Variants in REEP3 observed in about 807,000 individuals in gnomAD.
The protein encoded by REEP3 is receptor expression-enhancing protein 3.
REEP3 carries 20 observed loss-of-function variants against 41.3 expected under a neutral mutation model. The observed-to-expected ratio is 0.48, with a 90% CI of 0.34 to 0.70. The LOEUF is 0.70. Ranked by LOEUF, REEP3 falls within the 30% of genes least tolerant of loss-of-function variation. REEP3 has a pLI of 0.01. For missense variants in REEP3, 271 were observed against 308.8 expected, an observed-to-expected ratio of 0.88 and a Z score of 0.92; for synonymous variants, 104 against 101.8, an observed-to-expected ratio of 1.02 and a Z score of -0.13.
At chr10:63,550,637 G>GTAT (rs1446626533) in intron 1 of REEP3, among the ~76,000 whole-genome samples, 1 of 152,158 alleles carries the variant, frequency 6.6e-6, no homozygotes, top group Non-Finnish European at 1.5e-5. Flanking sequence ...TCACAGGGTA[G>GTAT]TATTGTTAAG....
At chr10:63,545,856 A>C (rs982423492) in intron 1 of REEP3, among the ~76,000 whole-genome samples, 2 of 152,050 alleles carry the variant, frequency 1.3e-5, no homozygotes, top group Non-Finnish European at 2.9e-5. Flanking sequence ...TTTCTGTTGA[A>C]GGTAAAACAT....
chr10:63,616,713 G>A (rs72838798), intron 6 of REEP3, among the ~76,000 whole-genome samples: 27,544 of 151,964 alleles, frequency 0.18, 3,150 homozygotes, highest in Non-Finnish European at 0.26. Context: ...GTTTATCACA[G>A]TTACTTCCTT....
chr10:63,609,302 AT>A (rs1321959583), intron 5 of REEP3, among the ~76,000 whole-genome samples: 1 of 151,902 alleles, frequency 6.6e-6, no homozygotes, highest in Non-Finnish European at 1.5e-5. Context: ...AATACAAAAA[AT>A]TAGCCAGGCG....
intron 1 of REEP3, among the ~76,000 whole-genome samples, chr10:63,550,767 T>A (rs1440035864): frequency 6.6e-6 from 1 of 152,164 alleles, no homozygotes; most frequent in Non-Finnish European, 1.5e-5. Context: ...ATGTCAAGGC[T>A]AAGGACCTCA....
intron 2 of REEP3, among the ~76,000 whole-genome samples, chr10:63,581,334 A>G (rs1228756605): frequency 2.0e-5 from 3 of 152,362 alleles, no homozygotes; most frequent in Admixed American, 1.3e-4. Flanking sequence ...CCAAAACGTC[A>G]TAACTTTAAA....
At chr10:63,568,514 G>A (rs975456970) in intron 2 of REEP3, among the ~76,000 whole-genome samples, 100 of 152,032 alleles carry the variant, frequency 6.6e-4, no homozygotes, top group African/African-American at 2.1e-3. Context: ...TGATCCACCC[G>A]CCTCGGCCTC....
rs1436201631 is a variant in REEP3, at chr10:63,619,820, G to A, written c.711+20G>A. ...AAAGAGGTTGGTTAAGTGTAGAGCT[G>A]TTTTCCTAATGATTAGTGAAGGATT... On this transcript the variant is annotated intron_variant, in intron 7 of 7. Coordinates refer to ENST00000373758, the MANE Select transcript of REEP3 (RefSeq NM_001001330.3). The A allele has an allele frequency of 7.6e-6, 12 of 1,571,104 alleles. No homozygotes were observed. The highest frequency in any genetic ancestry group is 1.0e-5 in the Non-Finnish European group (12 of 1,156,060).
In REEP3 at chr10:63,622,626, A is replaced by ACAGTAT. The variant is rs1184905126; in HGVS notation, c.*1760_*1765dup. ...CTGTCCTTGTCTTTCCTACTCAAAG[A>ACAGTAT]CAGTATCATCTGAAGTTGCCTAATA... is the stretch of plus-strand genomic sequence containing the variant. On this transcript the variant is annotated 3_prime_UTR_variant, in exon 8 of 8. Coordinates refer to ENST00000373758, the MANE Select transcript of REEP3 (RefSeq NM_001001330.3). The ACAGTAT allele has an allele frequency of 6.6e-6, 1 of 151,764 alleles. No homozygotes were observed. The highest frequency in any genetic ancestry group is 1.5e-5 in the Non-Finnish European group (1 of 68,004). 9.4% of individuals were successfully genotyped at this position (151,764 alleles called of 1,614,324 possible).
At chr10:63,541,955 C>T (rs1955532100) in intron 1 of REEP3, among the ~76,000 whole-genome samples, 1 of 152,132 alleles carries the variant, frequency 6.6e-6, no homozygotes, top group Non-Finnish European at 1.5e-5. Flanking sequence ...ACTAATATTT[C>T]TATGTCATAT....
chr10:63,586,900 C>G (rs1475088004), intron 2 of REEP3, among the ~76,000 whole-genome samples: 6 of 151,756 alleles, frequency 4.0e-5, no homozygotes, highest in Non-Finnish European at 7.4e-5. Context: ...GCATTAGATA[C>G]ACTCTTGGCA....
At chr10:63,564,322 T>C (rs1401100310) in intron 1 of REEP3, among the ~76,000 whole-genome samples, 1 of 152,190 alleles carries the variant, frequency 6.6e-6, no homozygotes, top group Non-Finnish European at 1.5e-5. Context: ...AATTTGCTGG[T>C]ATTCAGAAAC....
intron 2 of REEP3, among the ~76,000 whole-genome samples, chr10:63,577,785 C>G (rs1270608499): frequency 6.6e-6 from 1 of 152,054 alleles, no homozygotes; most frequent in Non-Finnish European, 1.5e-5. Context: ...TTGGCGAGCT[C>G]TGCAGTGTAG....
At chr10:63,566,927 T>C (rs764880676) in intron 2 of REEP3, among the ~76,000 whole-genome samples, 63 of 152,308 alleles carry the variant, frequency 4.1e-4, no homozygotes, top group Non-Finnish European at 7.9e-4. Flanking sequence ...AATATTTCTT[T>C]GTTTTTAGTT....
At chr10:63,603,862 A>G (rs1170327264) in intron 5 of REEP3, among the ~76,000 whole-genome samples, 1 of 152,218 alleles carries the variant, frequency 6.6e-6, no homozygotes, top group Admixed American at 6.5e-5. Context: ...AATTAGTTTC[A>G]TCTCTGCAGA....
In REEP3 at chr10:63,624,939, A is replaced by G. The variant is rs1956385116; in HGVS notation, c.*4070A>G. The G allele has an allele frequency of 6.6e-6, 1 of 152,128 alleles. No individual in the cohort carries two copies. The highest frequency in any genetic ancestry group is 2.4e-5 in the African/African-American group (1 of 41,438). The allele number at this position is 152,128 out of a possible 1,614,324, so 9.4% of individuals were successfully genotyped here. A position where few individuals can be genotyped will look rare whatever the true frequency, so the allele number is the denominator to read the frequency against. ...AAAGTTAGACGTCTGTCTGCCTCAC[A>G]TTTAAGCTTTAGAGAGAAATCCTAT... On this transcript the variant is annotated 3_prime_UTR_variant, in exon 8 of 8. Transcript: ENST00000373758.
intron 6 of REEP3, among the ~76,000 whole-genome samples, chr10:63,613,101 T>C (rs1292989331): frequency 6.6e-6 from 1 of 152,080 alleles, no homozygotes; most frequent in African/African-American, 2.4e-5. Flanking sequence ...AACCTCCGCC[T>C]CCCAAGTTCA....
chr10:63,563,956 A>T (rs560758589), intron 1 of REEP3, among the ~76,000 whole-genome samples: 4 of 152,320 alleles, frequency 2.6e-5, no homozygotes, highest in Admixed American at 2.0e-4. Context: ...GTGATAAAAA[A>T]CAAAGTCTGA....
chr10:63,522,415 A>C (rs1446133283), intron 1 of REEP3, among the ~76,000 whole-genome samples: 1 of 152,066 alleles, frequency 6.6e-6, no homozygotes, highest in Non-Finnish European at 1.5e-5. Flanking sequence ...TAATCGTGTA[A>C]ATGTATTTGA....
chr10:63,562,133 G>GCCC (rs756009005), intron 1 of REEP3, among the ~76,000 whole-genome samples: 128 of 152,192 alleles, frequency 8.4e-4, no homozygotes, highest in Non-Finnish European at 1.6e-3. Context: ...AGTGGTGGGG[G>GCCC]TGCTAAGTTA....
Sources: gnomAD v4.1 joint callset for allele counts (sites outside exome capture counted in the v4.1 genomes callset) on GRCh38, gnomAD v4.1.1 for gene constraint, MANE v1.5 for transcripts, NCBI Gene and HGNC (gene_info 2026-07-23, HGNC 2026-07-21) for gene names.